Variants in LRP5 observed in about 807,000 individuals in gnomAD.
LRP5 encodes low-density lipoprotein receptor-related protein 5.
Under a neutral mutation model 154.1 loss-of-function variants are expected in LRP5, and 62 were observed. The ratio of observed to expected loss-of-function variants is 0.40; its 90% CI spans 0.33 to 0.50. The LOEUF is 0.50. Among genes scored for constraint, LRP5 ranks in the 20% least tolerant of loss-of-function variants. LRP5 has a pLI of 0.55. For missense variants in LRP5, 1,915 were observed against 2,336.7 expected, an observed-to-expected ratio of 0.82 and a Z score of 3.72; for synonymous variants, 966 against 1,011.5, an observed-to-expected ratio of 0.96 and a Z score of 0.85.
intron 1 of LRP5, among the ~76,000 whole-genome samples, chr11:68,318,499 C>T (rs2098594794): frequency 6.6e-6 from 1 of 152,030 alleles, no homozygotes; most frequent in Non-Finnish European, 1.5e-5. Context: ...CCACCACGCC[C>T]AGCTGATTTT....
chr11:68,340,655 A>G (rs1380532549), intron 1 of LRP5, among the ~76,000 whole-genome samples: 2 of 152,182 alleles, frequency 1.3e-5, no homozygotes, highest in Non-Finnish European at 2.9e-5. Flanking sequence ...TCTGCTCTGA[A>G]GTGGTCACTC....
At chr11:68,308,298 C>T (rs2098585192), upstream of LRP5, among the ~76,000 whole-genome samples, 1 of 152,208 alleles carries the variant, frequency 6.6e-6, no homozygotes. Flanking sequence ...AGAGCCAGCA[C>T]GTTCCAGCCT....
chr11:68,372,525 C>T (rs118002037), intron 5 of LRP5, among the ~76,000 whole-genome samples: 8 of 137,748 alleles, frequency 5.8e-5, no homozygotes, highest in South Asian at 4.6e-4. Flanking sequence ...GTTCCACTTG[C>T]GGGCTGACCT....
At chr11:68,395,300 CAAAAAAA>C (rs1239981628) in intron 7 of LRP5, among the ~76,000 whole-genome samples, 1 of 75,846 alleles carries the variant, frequency 1.3e-5, no homozygotes, top group Non-Finnish European at 2.7e-5. Flanking sequence ...GACTCCATCT[CAAAAAAA>C]AAAAAAAAAA....
chr11:68,422,970 ACTGT>A (rs893510541), intron 13 of LRP5, among the ~76,000 whole-genome samples: 5 of 151,530 alleles, frequency 3.3e-5, no homozygotes, highest in African/African-American at 9.7e-5. Flanking sequence ...CGGCCCCCAA[ACTGT>A]CTGTCCTGGT....
intron 22 of LRP5, chr11:68,446,859 T>C: frequency 2.6e-6 from 1 of 389,334 alleles, no homozygotes; most frequent in East Asian, 6.0e-5. Context: ...AGTCTGACTG[T>C]GTGTTTGAGT....
intron 1 of LRP5, among the ~76,000 whole-genome samples, chr11:68,336,488 G>T (rs1460545861): frequency 6.6e-6 from 1 of 151,752 alleles, no homozygotes; most frequent in East Asian, 1.9e-4. Context: ...ATTTTTTTGA[G>T]ACAGAGTTTT....
Position 68,438,389 on chromosome 11 carries a change from G to GA in LRP5, c.4112-56dup. 2.0e-6 allele frequency: 3 copies of GA among 1,502,078 alleles called. No individual in the cohort carries two copies. The South Asian group carries it at 3.4e-5, about 17-fold the overall frequency. The allele number at this position is 1,502,078 out of a possible 1,614,324, so 93.0% of individuals were successfully genotyped here. ...AGGGCGCACGGTGTCTGCCCCCAAGGAGGGCCCATTCCGTTGGGGTTAATG... is the reference window on the plus strand; with the variant it reads ...AGGGCGCACGGTGTCTGCCCCCAAGGAAGGGCCCATTCCGTTGGGGTTAATG... On this transcript the variant is annotated intron_variant, in intron 19 of 22. Transcript: ENST00000294304.
chr11:68,427,960 ATTTTATTTTATTTT>A (rs1339446485), intron 16 of LRP5, among the ~76,000 whole-genome samples: 2,780 of 82,156 alleles, frequency 0.034, 24 homozygotes, highest in African/African-American at 0.04. Context: ...ATTTTATTTT[ATTTTATTTTATTTT>A]TTTTATTTAT....
chr11:68,355,280 C>T (rs1320622797), intron 2 of LRP5, among the ~76,000 whole-genome samples: 3 of 152,130 alleles, frequency 2.0e-5, no homozygotes, highest in East Asian at 1.9e-4. Context: ...CTGGCTTGGG[C>T]GAGCTGCCTG....
chr11:68,404,730 G>T (rs180801484), intron 8 of LRP5, among the ~76,000 whole-genome samples: 126 of 152,234 alleles, frequency 8.3e-4, no homozygotes, highest in Non-Finnish European at 1.4e-3. Flanking sequence ...CACCACTTTG[G>T]GAGGCCGAGG....
chr11:68,429,748 TTCTC>T (rs1451233617), intron 17 of LRP5, 48 bp downstream of exon 17: 14 of 1,612,190 alleles, frequency 8.7e-6, no homozygotes, highest in Non-Finnish European at 1.2e-5. Flanking sequence ...AGGTACCTGA[TTCTC>T]TGCCTGCTAG....
At chr11:68,409,018 C>A in intron 9 of LRP5, among the ~76,000 whole-genome samples, 1 of 136,074 alleles carries the variant, frequency 7.3e-6, no homozygotes, top group African/African-American at 2.9e-5. Context: ...CCACTGTACT[C>A]CAACCTGAGC....
At position 68,423,359 on chromosome 11, in the gene LRP5, C is replaced by G; in HGVS notation, c.3028-130C>G. 1 of 839,736 alleles carries G rather than the reference C, an allele frequency of 1.2e-6. No individual in the cohort carries two copies. The highest frequency in any genetic ancestry group is 2.1e-6 in the Non-Finnish European group (1 of 485,144). The allele number at this position is 839,736 out of a possible 1,614,324, so 52.0% of individuals were successfully genotyped here. A position where few individuals can be genotyped will look rare whatever the true frequency, so the allele number is the denominator to read the frequency against. On this transcript the variant is annotated intron_variant, in intron 13 of 22. Coordinates refer to ENST00000294304, the MANE Select transcript of LRP5 (RefSeq NM_002335.4). The surrounding 1 kb of genome is among the most constrained non-coding windows in gnomAD (Gnocchi z 4.7). Reference sequence around the variant, plus strand: ...TCCTGCCAGAGCTCTCCAGCCAGTGCCCAGGGCTCTCCAGCCAGTGCCCGG... The same window carrying G: ...TCCTGCCAGAGCTCTCCAGCCAGTGGCCAGGGCTCTCCAGCCAGTGCCCGG...
chr11:68,437,600 T>C (rs1017669125), intron 19 of LRP5, among the ~76,000 whole-genome samples: 3 of 152,238 alleles, frequency 2.0e-5, no homozygotes, highest in East Asian at 1.9e-4. Context: ...TCTGGGGACA[T>C]GGCCACTCCT....
At chr11:68,392,212 G>T (rs546685160) in intron 7 of LRP5, among the ~76,000 whole-genome samples, 1 of 152,292 alleles carries the variant, frequency 6.6e-6, no homozygotes, top group South Asian at 2.1e-4. Context: ...ATTTTAAAGT[G>T]AACAGTTCAG....
At position 68,392,134 on chromosome 11, in the gene LRP5, C is replaced by T. The variant is rs145097336; in HGVS notation, c.1584+2082C>T. 6.0e-3 allele frequency among the ~76,000 whole-genome samples: 915 copies of T among 152,300 alleles called. 6 individuals carry two copies. Among genetic ancestry groups the T allele is most frequent in the Non-Finnish European group, 7.2e-3 (493 of 68,030 alleles). ...AAAGTGCTGGGATGACAGGCATCAG[C>T]CGTCACACGCAGCTCAATGATTTTA... is the stretch of plus-strand genomic sequence containing the variant. On this transcript the variant is annotated intron_variant, in intron 7 of 22. Coordinates refer to ENST00000294304, the MANE Select transcript of LRP5 (RefSeq NM_002335.4).
chr11:68,348,237 C>T lies in LRP5; in HGVS notation c.482C>T (p.Ala161Val). The stretch of plus-strand genomic sequence containing the variant: ...CCGAGGGCCATCGCCTTGGACCCCG[C>T]TCACGGGTAAACCCTGCTGCGACTC... ...DQPRAIALDP[A>V]HGYMYWTDWG... The change falls in exon 2 of 23, where the codon GCT (alanine) becomes GTT (valine). Residue 161 changes from alanine to valine, a missense_variant. By Grantham distance (64) the Ala-to-Val change is moderately conservative. Transcript: ENST00000294304. 6.2e-7 allele frequency: 1 copy of T among 1,605,388 alleles called. No individual in the cohort carries two copies. The highest frequency in any genetic ancestry group is 1.3e-5 in the African/African-American group (1 of 75,070).
chr11:68,333,612 T>C (rs1237601987), intron 1 of LRP5, among the ~76,000 whole-genome samples: 1 of 152,222 alleles, frequency 6.6e-6, no homozygotes, highest in Non-Finnish European at 1.5e-5. Context: ...TAAGTATCTT[T>C]GAAGTTTCAT....
Sources: gnomAD v4.1 joint callset for allele counts (sites outside exome capture counted in the v4.1 genomes callset) on GRCh38, gnomAD v4.1.1 for gene constraint, Gnocchi (gnomAD v3.1) non-coding constraint, MANE v1.5 for transcripts, NCBI Gene and HGNC (gene_info 2026-07-23, HGNC 2026-07-21) for gene names.